Variants in SYT2 observed in about 807,000 individuals in gnomAD.
SYT2 encodes synaptotagmin 2, also known as synaptotagmin-2.
Under a neutral mutation model 39.9 loss-of-function variants are expected in SYT2, and 15 were observed. That is an observed-to-expected ratio of 0.38 (90% CI 0.25 to 0.58). SYT2 has a LOEUF of 0.58. SYT2 is among the 20% of genes least tolerant of loss of function. SYT2 has a pLI of 0.70. For missense variants in SYT2, 389 were observed against 530.3 expected (o/e 0.73, Z 2.62); for synonymous variants, 181 against 204.5 (o/e 0.89, Z 0.98).
intron 1 of SYT2, among the ~76,000 whole-genome samples, chr1:202,625,141 T>G (rs2149086372): frequency 3.0e-5 from 1 of 33,562 alleles, no homozygotes. Context: ...GTGTGGCGTG[T>G]AATAGGGTGT....
At chr1:202,625,176 G>C (rs1691354774) in intron 1 of SYT2, among the ~76,000 whole-genome samples, 1 of 58,650 alleles carries the variant, frequency 1.7e-5, no homozygotes, top group East Asian at 5.5e-4. Context: ...TGGTGTGTGT[G>C]TCGTGTGTGT....
At chr1:202,597,058 A>AGTAG in intron 8 of SYT2, 95 bp from the exon 9 acceptor site, 8 of 1,134,592 alleles carry the variant, frequency 7.1e-6, no homozygotes, top group Non-Finnish European at 9.0e-6. Context: ...AATGATTGGG[A>AGTAG]AGGTAAGGCC....
chr1:202,684,985 T>TG (rs1301421632), intron 1 of SYT2, among the ~76,000 whole-genome samples: 1 of 152,012 alleles, frequency 6.6e-6, no homozygotes, highest in Non-Finnish European at 1.5e-5. Flanking sequence ...TGGACAGGGT[T>TG]GGGGGAGTGA....
At chr1:202,615,179 A>AAGC (rs764749693) in intron 1 of SYT2, among the ~76,000 whole-genome samples, 2 of 152,172 alleles carry the variant, frequency 1.3e-5, no homozygotes, top group Admixed American at 6.5e-5. Context: ...GGAGTCCATG[A>AAGC]AGCAGCAGCA....
chr1:202,608,863 C>T (rs1690793530), intron 1 of SYT2, among the ~76,000 whole-genome samples: 1 of 152,158 alleles, frequency 6.6e-6, no homozygotes, highest in African/African-American at 2.4e-5. Context: ...CCAAGTTTTC[C>T]ACATCCCAGA....
chr1:202,621,220 G>C (rs1195178722), intron 1 of SYT2, among the ~76,000 whole-genome samples: 1 of 152,142 alleles, frequency 6.6e-6, no homozygotes. Context: ...TCCACCCTCT[G>C]GTACTTCAGA....
At chr1:202,706,607 T>C (rs908375672) in intron 1 of SYT2, among the ~76,000 whole-genome samples, 1 of 152,212 alleles carries the variant, frequency 6.6e-6, no homozygotes, top group Admixed American at 6.5e-5. Flanking sequence ...GGATGAACCC[T>C]GGCAATCTGG....
rs1159943710 is a variant in SYT2, at chr1:202,591,832, C to T, written c.*4925G>A. 5.9e-5 allele frequency: 9 copies of T among 152,822 alleles called. No homozygotes were observed. The highest frequency in any genetic ancestry group is 5.2e-4 in the Admixed American group (8 of 15,288). The allele number at this position is 152,822 out of a possible 1,614,324, so 9.5% of individuals were successfully genotyped here. On this transcript the variant is annotated 3_prime_UTR_variant, in exon 9 of 9. Coordinates refer to ENST00000367268, the MANE Select transcript of SYT2 (RefSeq NM_177402.5). ...AAATCCTGGTTGCCTCCACAGGGACCCCAGGAAAGGTATCCAGAACCATGG... is the reference window on the plus strand; with the variant it reads ...AAATCCTGGTTGCCTCCACAGGGACTCCAGGAAAGGTATCCAGAACCATGG...
chr1:202,634,200 A>C lies in SYT2; in HGVS notation c.-17-28411T>G, dbSNP rs145054555. ...ATATGAAATACTTAGAACAGAGCCT[A>C]GTAATATAAATATACCATTTAAAAA... On this transcript the variant is annotated intron_variant, in intron 1 of 8. Coordinates refer to ENST00000367268, the MANE Select transcript of SYT2 (RefSeq NM_177402.5). Among the ~76,000 whole-genome samples the C allele has an allele frequency of 3.1e-3, 465 of 152,396 alleles. 4 individuals carry two copies. The highest frequency in any genetic ancestry group is 0.011 in the African/African-American group (445 of 41,592).
intron 1 of SYT2, among the ~76,000 whole-genome samples, chr1:202,667,806 G>A (rs541809327): frequency 5.9e-5 from 9 of 152,036 alleles, no homozygotes; most frequent in South Asian, 4.2e-4. Flanking sequence ...TCTGCCTCCC[G>A]GGTTCAAGCG....
chr1:202,667,466 C>CGTGTGTGTGTGTGT (rs35072265), intron 1 of SYT2, among the ~76,000 whole-genome samples: 9 of 140,744 alleles, frequency 6.4e-5, no homozygotes, highest in African/African-American at 2.2e-4. Context: ...AGTGACCAGC[C>CGTGTGTGTGTGTGT]GTGTGTGTGT....
At chr1:202,652,532 T>C (rs947736590) in intron 1 of SYT2, among the ~76,000 whole-genome samples, 4 of 152,190 alleles carry the variant, frequency 2.6e-5, no homozygotes, top group African/African-American at 9.7e-5. Context: ...GCCAGTCCCC[T>C]GTGATGCAAT....
At chr1:202,646,233 T>C (rs1692078831) in intron 1 of SYT2, among the ~76,000 whole-genome samples, 1 of 152,212 alleles carries the variant, frequency 6.6e-6, no homozygotes, top group African/African-American at 2.4e-5. Context: ...CAGCTTCACC[T>C]GGCACTGCCC....
intron 1 of SYT2, among the ~76,000 whole-genome samples, chr1:202,671,268 G>A (rs1039335923): frequency 3.9e-5 from 6 of 152,202 alleles, no homozygotes; most frequent in African/African-American, 1.2e-4. Flanking sequence ...CTTGGAGTTG[G>A]AGCCAGAGGA....
chr1:202,645,108 T>C (rs535783336), intron 1 of SYT2, among the ~76,000 whole-genome samples: 2 of 152,224 alleles, frequency 1.3e-5, no homozygotes, highest in East Asian at 3.9e-4. Flanking sequence ...CCTGAGCCCC[T>C]CTAGTCAGGT....
intron 1 of SYT2, among the ~76,000 whole-genome samples, chr1:202,621,410 C>T (rs960002043): frequency 1.3e-5 from 2 of 152,180 alleles, no homozygotes; most frequent in Non-Finnish European, 2.9e-5. Flanking sequence ...AATCCTCCCA[C>T]CTCAGCCTCC....
chr1:202,602,113 G>C, intron 5 of SYT2, 56 bp from the exon 6 acceptor site: 1 of 1,595,668 alleles, frequency 6.3e-7, no homozygotes, highest in Admixed American at 1.7e-5. Context: ...ACCTCCAGGG[G>C]TGCTATGGGC....
intron 8 of SYT2, among the ~76,000 whole-genome samples, chr1:202,597,474 G>T (rs1425686118): frequency 6.6e-6 from 1 of 152,110 alleles, no homozygotes; most frequent in Non-Finnish European, 1.5e-5. Context: ...AAACAGATTT[G>T]CTTGGGTAGA....
In SYT2 at chr1:202,599,769, G is replaced by T. The variant is rs780482220; in HGVS notation, c.920-418C>A. Among the ~76,000 whole-genome samples, 27 of 152,300 alleles carry T rather than the reference G, an allele frequency of 1.8e-4. No homozygotes were observed. Among genetic ancestry groups the T allele is most frequent in the Middle Eastern group, 3.4e-3 (1 of 294 alleles). ...AAAGAACGGAAATGACCTGCCCGAG[G>T]TCACACAGCGGGTCAGTGACAGAGC... is the stretch of plus-strand genomic sequence containing the variant. On this transcript the variant is annotated intron_variant, in intron 7 of 8. Coordinates refer to ENST00000367268, the MANE Select transcript of SYT2 (RefSeq NM_177402.5). This position sits in a 1 kb window ranked among gnomAD's most constrained non-coding sequence, Gnocchi z 4.4.
Sources: gnomAD v4.1 joint callset for allele counts (sites outside exome capture counted in the v4.1 genomes callset) on GRCh38, gnomAD v4.1.1 for gene constraint, Gnocchi (gnomAD v3.1) non-coding constraint, MANE v1.5 for transcripts, NCBI Gene and HGNC (gene_info 2026-07-23, HGNC 2026-07-21) for gene names.